The following LOC122539214 variants were observed in gnomAD, a reference collection of about 807,000 sequenced individuals.
At chr19:52,666,738 C>T in the LOC122539214 span, among the ~76,000 whole-genome samples, 354 of 152,092 alleles carry the variant, frequency 2.3e-3, 1 homozygote, top group African/African-American at 3.9e-3. Flanking sequence ...TTCCATTAAC[C>T]CAGCAGGTTT....
the LOC122539214 span, among the ~76,000 whole-genome samples, chr19:52,671,687 C>G: frequency 6.6e-6 from 1 of 152,192 alleles, no homozygotes; most frequent in Non-Finnish European, 1.5e-5. Context: ...AAGCGATCAA[C>G]CCACCTTTGC....
the LOC122539214 span, among the ~76,000 whole-genome samples, chr19:52,664,335 G>A: frequency 1.3e-5 from 2 of 151,986 alleles, no homozygotes; most frequent in South Asian, 4.2e-4. Flanking sequence ...GTCTCTATGA[G>A]GAACACAAAA....
At chr19:52,677,244 T>A in the LOC122539214 span, among the ~76,000 whole-genome samples, 68 of 148,540 alleles carry the variant, frequency 4.6e-4, no homozygotes, top group East Asian at 0.012. Flanking sequence ...TGAGTGAGAC[T>A]GGGCTGGAAG....
chr19:52,663,911 G>A, the LOC122539214 span, among the ~76,000 whole-genome samples: 7 of 152,258 alleles, frequency 4.6e-5, no homozygotes, highest in East Asian at 3.9e-4. Context: ...TTATTGAGAC[G>A]GAGTCTCGCT....
chr19:52,665,236 G>C, the LOC122539214 span, among the ~76,000 whole-genome samples: 1 of 152,190 alleles, frequency 6.6e-6, no homozygotes, highest in South Asian at 2.1e-4. Flanking sequence ...AGGGAGGAGT[G>C]AGGTCACCAC....
At chr19:52,681,280 C>CAAAAAAAAAAAAAAAAAAAAAAAAAAAA in the LOC122539214 span, among the ~76,000 whole-genome samples, 4 of 75,428 alleles carry the variant, frequency 5.3e-5, no homozygotes, top group Non-Finnish European at 1.0e-4. Flanking sequence ...GAGACTTTCT[C>CAAAAAAAAAAAAAAAAAAAAAAAAAAAA]AAAAAAAAAA....
At chr19:52,656,222 CTCTCTA>C in the LOC122539214 span, among the ~76,000 whole-genome samples, 2 of 127,394 alleles carry the variant, frequency 1.6e-5, no homozygotes, top group African/African-American at 2.7e-5. Context: ...CTCTCTCTCT[CTCTCTA>C]TATATATATA....
the LOC122539214 span, among the ~76,000 whole-genome samples, chr19:52,683,069 C>G: frequency 1.2e-5 from 1 of 80,122 alleles, no homozygotes; most frequent in South Asian, 3.0e-4. Context: ...TGAGGTTTCA[C>G]CATGTTGGCC....
At chr19:52,659,993 C>T in the LOC122539214 span, among the ~76,000 whole-genome samples, 1 of 152,066 alleles carries the variant, frequency 6.6e-6, no homozygotes, top group Admixed American at 6.6e-5. Context: ...GAGTTCGAGA[C>T]CAGTCTGGCC....
At chr19:52,675,419 G>C in the LOC122539214 span, among the ~76,000 whole-genome samples, 1 of 152,092 alleles carries the variant, frequency 6.6e-6, no homozygotes, top group South Asian at 2.1e-4. Flanking sequence ...GGGATACAAG[G>C]GCTGAGCTGG....
chr19:52,664,789 G>A, the LOC122539214 span, among the ~76,000 whole-genome samples: 1 of 151,812 alleles, frequency 6.6e-6, no homozygotes, highest in African/African-American at 2.4e-5. Flanking sequence ...GGGCTGTGAG[G>A]GGTTCGCAGG....
At chr19:52,660,907 C>G in the LOC122539214 span, 1 of 153,448 alleles carries the variant, frequency 6.5e-6, no homozygotes, top group Admixed American at 6.5e-5. Flanking sequence ...GCTCTGTCAC[C>G]ATGATGGGGT....
the LOC122539214 span, chr19:52,652,799 C>A: frequency 1.1e-6 from 1 of 885,412 alleles, no homozygotes. Flanking sequence ...TTGCCACACT[C>A]ATTGCACTTA....
the LOC122539214 span, among the ~76,000 whole-genome samples, chr19:52,659,931 G>A: frequency 5.3e-5 from 8 of 152,230 alleles, no homozygotes; most frequent in South Asian, 6.2e-4. Context: ...GGTAACTCAC[G>A]CCTGTAATCC....
chr19:52,674,545 A>G, the LOC122539214 span, among the ~76,000 whole-genome samples: 1 of 152,212 alleles, frequency 6.6e-6, no homozygotes, highest in East Asian at 1.9e-4. Context: ...CAACCAAAAT[A>G]CAAGTGGAAC....
At chr19:52,664,411 C>T in the LOC122539214 span, among the ~76,000 whole-genome samples, 2 of 151,998 alleles carry the variant, frequency 1.3e-5, no homozygotes, top group East Asian at 1.9e-4. Flanking sequence ...TGGGAGGATC[C>T]GTTGAACCCA....
chr19:52,676,242 C>T, the LOC122539214 span, among the ~76,000 whole-genome samples: 1 of 152,298 alleles, frequency 6.6e-6, no homozygotes, highest in East Asian at 1.9e-4. Context: ...CTCGGCCTCC[C>T]GAGGTGCCGG....
chr19:52,668,108 A>C, the LOC122539214 span, among the ~76,000 whole-genome samples: 8 of 152,286 alleles, frequency 5.3e-5, no homozygotes, highest in African/African-American at 1.9e-4. Flanking sequence ...TTCCTTTAAA[A>C]CAAGAGTCTC....
chr19:52,680,436 C>T, the LOC122539214 span, among the ~76,000 whole-genome samples: 1 of 152,000 alleles, frequency 6.6e-6, no homozygotes, highest in East Asian at 1.9e-4. Context: ...AAATGAAACA[C>T]ACATTTCCAC....
Sources: gnomAD v4.1 joint callset for allele counts (sites outside exome capture counted in the v4.1 genomes callset) on GRCh38, gnomAD v4.1.1 for gene constraint, MANE v1.5 for transcripts.